The following PIK3R5 variants were observed in gnomAD, a reference collection of about 807,000 sequenced individuals.
PIK3R5 encodes the protein phosphoinositide 3-kinase regulatory subunit 5.
Under a neutral mutation model 94.9 loss-of-function variants are expected in PIK3R5, and 32 were observed. The observed-to-expected ratio is 0.34, with a 90% confidence interval of 0.25 to 0.45. PIK3R5 has a LOEUF of 0.45. PIK3R5 is among the 20% of genes least tolerant of loss of function. The pLI is 1.00. For missense variants in PIK3R5, 853 were observed against 1,144.6 expected (o/e 0.75, Z 3.68); for synonymous variants, 443 against 479.4 (o/e 0.92, Z 0.99).
At chr17:8,901,158 A>G (rs886751372) in intron 5 of PIK3R5, among the ~76,000 whole-genome samples, 1 of 152,068 alleles carries the variant, frequency 6.6e-6, no homozygotes, top group East Asian at 1.9e-4. Context: ...AAGGAGTTTG[A>G]CCTTAAACTG....
At chr17:8,908,894 C>A (rs1359615160) in intron 3 of PIK3R5, among the ~76,000 whole-genome samples, 180 bp downstream of exon 3, 1 of 152,162 alleles carries the variant, frequency 6.6e-6, no homozygotes, top group Non-Finnish European at 1.5e-5. Flanking sequence ...TGAATGCACC[C>A]CCTTCTTAGA....
intron 1 of PIK3R5, among the ~76,000 whole-genome samples, chr17:8,924,373 G>A (rs981192971): frequency 1.3e-5 from 2 of 151,800 alleles, no homozygotes; most frequent in Non-Finnish European, 2.9e-5. Flanking sequence ...GCCACCTGCA[G>A]CCTGACACAG....
At chr17:8,942,963 T>TACACACACACACACACACACACAC (rs112851950) in intron 1 of PIK3R5, among the ~76,000 whole-genome samples, 104 of 149,168 alleles carry the variant, frequency 7.0e-4, no homozygotes, top group African/African-American at 9.4e-4. Flanking sequence ...GATCACGTCA[T>TACACACACACACACACACACACAC]ACACACACAC....
rs1460535470 is a variant in PIK3R5 at position 8,879,575 on chromosome 17, G to A, written c.*1064C>T. Reference sequence around the variant, plus strand: ...GATACAGAAGGGGGTGAAGGGTAGGGCCCCTGAGCAGCCCACCCCTTACCC... The same window carrying A: ...GATACAGAAGGGGGTGAAGGGTAGGACCCCTGAGCAGCCCACCCCTTACCC... On this transcript the variant is annotated 3_prime_UTR_variant, in exon 19 of 19. Coordinates refer to ENST00000447110, the MANE Select transcript of PIK3R5 (RefSeq NM_001142633.3). The surrounding 1 kb of genome is among the most constrained non-coding windows in gnomAD (Gnocchi z 4.4). The A allele has an allele frequency of 6.6e-6, 1 of 152,294 alleles. No individual in the cohort carries two copies. Among genetic ancestry groups the A allele is most frequent in the South Asian group, 2.1e-4 (1 of 4,824 alleles). 9.4% of individuals were successfully genotyped at this position (152,294 alleles called of 1,614,324 possible). A position where few individuals can be genotyped will look rare whatever the true frequency, so the allele number is the denominator to read the frequency against.
rs2089777807 is a variant in PIK3R5, at chr17:8,884,958, A to C, written c.2129-175T>G. On this transcript the variant is annotated intron_variant, in intron 14 of 18. Transcript: ENST00000447110. This position sits in a 1 kb window ranked among gnomAD's most constrained non-coding sequence, Gnocchi z 5.8. ...CTCTCTCTGGCTCCACGTTCTGGGG[A>C]TCTCCACCTCCTCAGTGACCCCATC... 1.6e-6 allele frequency: 1 copy of C among 609,138 alleles called. No individual in the cohort carries two copies. Among genetic ancestry groups the C allele is most frequent in the Non-Finnish European group, 3.0e-6 (1 of 337,138 alleles). 37.7% of individuals were successfully genotyped at this position (609,138 alleles called of 1,614,324 possible).
chr17:8,883,271 G>C (rs1377775910), intron 15 of PIK3R5, among the ~76,000 whole-genome samples: 1 of 152,206 alleles, frequency 6.6e-6, no homozygotes, highest in Non-Finnish European at 1.5e-5. Context: ...AGGAGGCTGA[G>C]GCAGGAGAAT....
At chr17:8,914,976 A>G (rs1043417653) in intron 1 of PIK3R5, among the ~76,000 whole-genome samples, 1 of 152,262 alleles carries the variant, frequency 6.6e-6, no homozygotes. Context: ...CAGCTTGCCT[A>G]AAGTCACACA....
chr17:8,880,487 C>T lies in PIK3R5; in HGVS notation c.*152G>A. 1.4e-6 allele frequency: 1 copy of T among 724,426 alleles called. No individual in the cohort carries two copies. The highest frequency in any genetic ancestry group is 2.1e-6 in the Non-Finnish European group (1 of 475,550). The allele number at this position is 724,426 out of a possible 1,614,324, so 44.9% of individuals were successfully genotyped here. A position where few individuals can be genotyped will look rare whatever the true frequency, so the allele number is the denominator to read the frequency against. On this transcript the variant is annotated 3_prime_UTR_variant, in exon 19 of 19. Coordinates refer to ENST00000447110, the MANE Select transcript of PIK3R5 (RefSeq NM_001142633.3). ...CCCAGAACCCTGAGGCCCCAGAAAC[C>T]CTCTACTCCCAGCCCCTGCTCATTG... is the stretch of plus-strand genomic sequence containing the variant.
At chr17:8,961,400 C>T (rs1483753768) in intron 1 of PIK3R5, among the ~76,000 whole-genome samples, 1 of 152,084 alleles carries the variant, frequency 6.6e-6, no homozygotes, top group African/African-American at 2.4e-5. Flanking sequence ...TTTGGGAGGC[C>T]AAGGCGGGCA....
chr17:8,931,836 C>T (rs1418080795), intron 1 of PIK3R5, among the ~76,000 whole-genome samples: 1 of 152,150 alleles, frequency 6.6e-6, no homozygotes, highest in Non-Finnish European at 1.5e-5. Context: ...CTGGATACCT[C>T]AGTCATTCAT....
rs542348091 is a variant in PIK3R5 at position 8,880,627 on chromosome 17, G to A, written c.*12C>T. The A allele has an allele frequency of 1.0e-5, 16 of 1,595,636 alleles. No individual in the cohort carries two copies. Among genetic ancestry groups the A allele is most frequent in the Admixed American group, 6.9e-5 (4 of 57,920 alleles). ...CCCCAGGGCTTCTGTCCAGTCTGGC[G>A]CTGGGCCCACACTAGGGCAGAGCTC... On this transcript the variant is annotated 3_prime_UTR_variant, in exon 19 of 19. Transcript: ENST00000447110.
Position 8,884,888 on chromosome 17 carries a change from A to C in PIK3R5, c.2129-105T>G. On this transcript the variant is annotated intron_variant, in intron 14 of 18. Transcript: ENST00000447110. This position sits in a 1 kb window ranked among gnomAD's most constrained non-coding sequence, Gnocchi z 5.8. The stretch of plus-strand genomic sequence containing the variant: ...GCCTTACCTCCCCATCCCCTACCAC[A>C]TGGACCGTGACTCCCTAGGGATCTG... 6 of 859,528 alleles carry C rather than the reference A, an allele frequency of 7.0e-6. No homozygotes were observed. The highest frequency in any genetic ancestry group is 1.2e-5 in the Non-Finnish European group (6 of 520,712). 53.2% of individuals were successfully genotyped at this position (859,528 alleles called of 1,614,324 possible). A position where few individuals can be genotyped will look rare whatever the true frequency, so the allele number is the denominator to read the frequency against.
chr17:8,895,391 C>T (rs767309109), intron 5 of PIK3R5, among the ~76,000 whole-genome samples: 1 of 152,170 alleles, frequency 6.6e-6, no homozygotes, highest in East Asian at 1.9e-4. Flanking sequence ...GGCGGTCATA[C>T]TCCAGGAAGC....
intron 1 of PIK3R5, among the ~76,000 whole-genome samples, chr17:8,942,828 G>C (rs978392459): frequency 6.6e-6 from 1 of 151,854 alleles, no homozygotes; most frequent in Admixed American, 6.6e-5. Context: ...GGATGGTCTC[G>C]ATCTCCTGAC....
Position 8,911,901 on chromosome 17 carries a change from T to C in PIK3R5, c.-13-394A>G. ...AATCACTCGGAGGACTTTTTCTGAATTTCCAGGCTGTGTTTTCCAAACCTC... is the reference window on the plus strand; with the variant it reads ...AATCACTCGGAGGACTTTTTCTGAACTTCCAGGCTGTGTTTTCCAAACCTC... On this transcript the variant is annotated intron_variant, in intron 1 of 18. Transcript: ENST00000447110. This position sits in a 1 kb window ranked among gnomAD's most constrained non-coding sequence, Gnocchi z 5.3. The C allele has an allele frequency of 6.3e-6, 1 of 157,914 alleles. No individual in the cohort carries two copies. 9.8% of individuals were successfully genotyped at this position (157,914 alleles called of 1,614,324 possible).
Position 8,884,830 on chromosome 17 carries a change from C to T in PIK3R5, c.2129-47G>A. On this transcript the variant is annotated intron_variant, in intron 14 of 18. Transcript: ENST00000447110. The surrounding 1 kb of genome is among the most constrained non-coding windows in gnomAD (Gnocchi z 5.8). The stretch of plus-strand genomic sequence containing the variant: ...CCTTCACTACCCCTGGCTTCCCCGG[C>T]TCCTCACGAACGCAGTGGCCTTGCC... The T allele has an allele frequency of 1.3e-6, 2 of 1,568,638 alleles. No individual in the cohort carries two copies. Among genetic ancestry groups the T allele is most frequent in the East Asian group, 2.2e-5 (1 of 44,690 alleles).
intron 14 of PIK3R5, among the ~76,000 whole-genome samples, chr17:8,885,273 C>T: frequency 6.6e-6 from 1 of 150,820 alleles, no homozygotes. Context: ...CAGGGCCCTG[C>T]CTTCCAGGCA....
chr17:8,884,361 G>A lies in PIK3R5; in HGVS notation c.2205+346C>T, dbSNP rs1175242873. 1.3e-5 allele frequency among the ~76,000 whole-genome samples: 2 copies of A among 151,828 alleles called. No individual in the cohort carries two copies. Among genetic ancestry groups the A allele is most frequent in the East Asian group, 1.9e-4 (1 of 5,180 alleles). ...AGCCTGCCAGGCACACTGGCCCCCC[G>A]AGACCCTGGCTTCTCCCTGAGGTGC... On this transcript the variant is annotated intron_variant, in intron 15 of 18. Transcript: ENST00000447110. This position sits in a 1 kb window ranked among gnomAD's most constrained non-coding sequence, Gnocchi z 5.8.
chr17:8,914,756 C>A (rs1318792756), intron 1 of PIK3R5, among the ~76,000 whole-genome samples: 1 of 152,242 alleles, frequency 6.6e-6, no homozygotes, highest in Non-Finnish European at 1.5e-5. Context: ...GGGCATCTTG[C>A]AGACCCACTG....
Sources: gnomAD v4.1 joint callset for allele counts (sites outside exome capture counted in the v4.1 genomes callset) on GRCh38, gnomAD v4.1.1 for gene constraint, Gnocchi (gnomAD v3.1) non-coding constraint, MANE v1.5 for transcripts, NCBI Gene and HGNC (gene_info 2026-07-23, HGNC 2026-07-21) for gene names.